C8G: variants seen among roughly 807,000 people sequenced by gnomAD.
C8G encodes the protein complement component C8 gamma chain.
C8G carries 38 observed loss-of-function variants against 29.1 expected under a neutral mutation model. That is an observed-to-expected ratio of 1.31 (90% CI 1.01 to 1.71). The LOEUF (loss-of-function observed/expected upper bound fraction) is 1.71. Ranked by LOEUF, C8G falls within the 40% of genes most tolerant of loss-of-function variation. The pLI, the probability that C8G is intolerant of heterozygous loss-of-function variation, is 0.00. For missense variants in C8G, 300 were observed against 267.4 expected (o/e 1.12, Z -0.85); for synonymous variants, 158 against 113.2 (o/e 1.40, Z -2.51).
chr9:136,946,071 T>C lies in C8G; in HGVS notation c.347-14T>C. The C allele has an allele frequency of 6.2e-7, 1 of 1,606,784 alleles. No homozygotes were observed. Among genetic ancestry groups the C allele is most frequent in the Non-Finnish European group, 8.5e-7 (1 of 1,176,426 alleles). On this transcript the variant is annotated splice_polypyrimidine_tract_variant and intron_variant, in intron 3 of 6. Transcript: ENST00000371634. ...CTGTGGCTCTCTGACATGGCTACTG[T>C]GGCTCTGCCCCAGCCCGAGACGCCC... is the stretch of plus-strand genomic sequence containing the variant.
rs1851013845 is a variant in C8G at position 136,945,731 on chromosome 9, C to T, written c.236C>T (p.Pro79Leu). Residue 79 changes from proline (P) to leucine (L), a missense_variant, in exon 2 of 7, where the codon CCC (proline) becomes CTC (leucine). By Grantham distance (98) the Pro-to-Leu change is moderately conservative (BLOSUM62 -3). Coordinates refer to ENST00000371634, the MANE Select transcript of C8G (RefSeq NM_000606.3). Reference sequence around the variant, plus strand: ...GAGGCCACCACACTGCATGTGGCTCCCCAGGGCACAGCCATGGCTGTCAGT... The same window carrying T: ...GAGGCCACCACACTGCATGTGGCTCTCCAGGGCACAGCCATGGCTGTCAGT... ...RAEATTLHVA[P>L]QGTAMAVSTF... 4.4e-6 allele frequency: 7 copies of T among 1,575,266 alleles called. No homozygotes were observed. Among genetic ancestry groups the T allele is most frequent in the Non-Finnish European group, 6.0e-6 (7 of 1,162,674 alleles).
chr9:136,945,760 T>A lies in C8G; in HGVS notation c.265T>A (p.Phe89Ile). 1 of 1,555,534 alleles carries A rather than the reference T, an allele frequency of 6.4e-7. No homozygotes were observed. The highest frequency in any genetic ancestry group is 8.7e-7 in the Non-Finnish European group (1 of 1,151,784). The change falls in exon 2 of 7, where the codon TTC (phenylalanine) becomes ATC (isoleucine). Residue 89 changes from phenylalanine to isoleucine, a missense_variant. By Grantham distance (21) the Phe-to-Ile change is conservative. Coordinates refer to ENST00000371634, the MANE Select transcript of C8G (RefSeq NM_000606.3). Reference protein sequence around the residue: ...PQGTAMAVSTFRKLDGICWQV... With the variant: ...PQGTAMAVSTIRKLDGICWQV... The stretch of plus-strand genomic sequence containing the variant: ...GGGCACAGCCATGGCTGTCAGTACC[T>A]TCCGAAAGCTGTGAGTCCCAGAGCA...
At chr9:136,946,224 G>T (rs1851034342) in intron 4 of C8G, 32 bp downstream of exon 4, 1 of 1,524,926 alleles carries the variant, frequency 6.6e-7, no homozygotes, top group Non-Finnish European at 8.9e-7. Context: ...TGACCAGGCA[G>T]GCGCTCAAGC....
Position 136,945,367 on chromosome 9 carries a change from C to T in C8G, c.47C>T (p.Ala16Val). 6.2e-7 allele frequency: 1 copy of T among 1,612,854 alleles called. No individual in the cohort carries two copies. The highest frequency in any genetic ancestry group is 1.1e-5 in the South Asian group (1 of 91,028). Residue 16 changes from alanine to valine, a missense_variant, in exon 1 of 7, where the codon GCT becomes GTT. Transcript: ENST00000371634. Reference sequence around the variant, plus strand: ...ACCCTCTTGACTCTGCTCCTGGCAGCTGGCTCGCTGGGCCAGAAGCCTCAG... The same window carrying T: ...ACCCTCTTGACTCTGCTCCTGGCAGTTGGCTCGCTGGGCCAGAAGCCTCAG... ...TATLLTLLLA[A>V]GSLGQKPQRP...
intron 4 of C8G, 34 bp downstream of exon 4, chr9:136,946,226 C>T (rs746306750): frequency 6.5e-5 from 98 of 1,511,812 alleles, no homozygotes; most frequent in Middle Eastern, 1.8e-4. Flanking sequence ...ACCAGGCAGG[C>T]GCTCAAGCTC....
chr9:136,945,489 G>T, intron 1 of C8G, 31 bp downstream of exon 1: 1 of 1,555,166 alleles, frequency 6.4e-7, no homozygotes, highest in Non-Finnish European at 8.7e-7. Flanking sequence ...AGGGAGGCAG[G>T]TAGAAGTTGT....
chr9:136,946,840 G>A lies in C8G; in HGVS notation c.*59G>A. 6.5e-7 allele frequency: 1 copy of A among 1,535,406 alleles called. No individual in the cohort carries two copies. The highest frequency in any genetic ancestry group is 8.7e-7 in the Non-Finnish European group (1 of 1,144,990). On this transcript the variant is annotated 3_prime_UTR_variant, in exon 7 of 7. Transcript: ENST00000371634. ...TGCCCCGAGAGACGACCCCACCAGT[G>A]GGGTGCCCGCTGCCTGTCCTCCGTG...
At position 136,946,890 on chromosome 9, in the gene C8G, G is replaced by A; in HGVS notation, c.*109G>A. The A allele has an allele frequency of 2.2e-6, 3 of 1,371,366 alleles. No homozygotes were observed. Among genetic ancestry groups the A allele is most frequent in the Non-Finnish European group, 1.0e-6 (1 of 997,974 alleles). The allele number at this position is 1,371,366 out of a possible 1,614,324, so 84.9% of individuals were successfully genotyped here. A position where few individuals can be genotyped will look rare whatever the true frequency, so the allele number is the denominator to read the frequency against. On this transcript the variant is annotated 3_prime_UTR_variant, in exon 7 of 7. Coordinates refer to ENST00000371634, the MANE Select transcript of C8G (RefSeq NM_000606.3). Reference sequence around the variant, plus strand: ...GAAACCAGCCTCAGATCAGGGCCCTGCCACCCAGGGCAGGGGATCTTCTGC... The same window carrying A: ...GAAACCAGCCTCAGATCAGGGCCCTACCACCCAGGGCAGGGGATCTTCTGC...
rs986990165 is a variant in C8G at position 136,946,213 on chromosome 9, G to C, written c.454+21G>C. On this transcript the variant is annotated intron_variant, in intron 4 of 6. Transcript: ENST00000371634. ...CTACGGTATGTGGGGGCCAGCCTCT[G>C]TGACCAGGCAGGCGCTCAAGCTCTG... 2.6e-6 allele frequency: 4 copies of C among 1,535,684 alleles called. No individual in the cohort carries two copies. In the African/African-American group the frequency reaches 5.5e-5, roughly 21 times the overall value.
intron 1 of C8G, 45 bp downstream of exon 1, chr9:136,945,503 A>G (rs1282171618): frequency 2.0e-6 from 3 of 1,527,392 alleles, no homozygotes; most frequent in Non-Finnish European, 2.7e-6. Flanking sequence ...AAGTTGTGGG[A>G]GGGGTAGAGG....
intron 4 of C8G, 86 bp downstream of exon 4, chr9:136,946,278 TG>T: frequency 7.3e-7 from 1 of 1,375,270 alleles, no homozygotes; most frequent in Non-Finnish European, 1.0e-6. Flanking sequence ...GGTGAGCCCA[TG>T]GGGACACACT....
chr9:136,946,263 G>T, intron 4 of C8G, 71 bp downstream of exon 4: 1 of 1,422,620 alleles, frequency 7.0e-7, no homozygotes, highest in Non-Finnish European at 9.6e-7. Context: ...CACCCCGAGG[G>T]GCTGGGTGAG....
Position 136,945,729 on chromosome 9 carries a change from T to C in C8G, c.234T>C (p.Ala78=). The C allele has an allele frequency of 6.3e-7, 1 of 1,576,236 alleles. No homozygotes were observed. ...CCGAGGCCACCACACTGCATGTGGC[T>C]CCCCAGGGCACAGCCATGGCTGTCA... ...HRAEATTLHV[A]PQGTAMAVST... is the part of the protein sequence containing the mutation. The change falls in exon 2 of 7, where the codon GCT becomes GCC. Residue 78 remains alanine (A), a synonymous_variant. Transcript: ENST00000371634.
Position 136,946,497 on chromosome 9 carries a change from AGTGG to A in C8G, c.490_493del (p.Gly164LeufsTer10), listed in dbSNP as rs1405030939. 1.7e-5 allele frequency: 27 copies of A among 1,612,298 alleles called. No homozygotes were observed. The highest frequency in any genetic ancestry group is 4.0e-5 in the African/African-American group (3 of 74,872). On this transcript the variant is annotated frameshift_variant, in exon 5 of 7. Transcript: ENST00000371634. LOFTEE classifies it high-confidence loss of function. ...GCTCCCTGTGAGCGACTCGGTCCTG[AGTGG>A]GTTTGAGCAGCGGGTCCAGGAGGCC...
rs1239199271 is a variant in C8G, at chr9:136,945,415, C to G, written c.95C>G (p.Pro32Arg). 7 of 1,594,506 alleles carry G rather than the reference C, an allele frequency of 4.4e-6. No homozygotes were observed. In the East Asian group the frequency reaches 1.6e-4, roughly 36 times the overall value. The change falls in exon 1 of 7, where the codon CCC becomes CGC. Residue 32 changes from proline (P) to arginine (R), a missense_variant. Physicochemically the swap from Pro to Arg is moderately radical, Grantham distance 103. Coordinates refer to ENST00000371634, the MANE Select transcript of C8G (RefSeq NM_000606.3). ...CAGAGGCCACGCCGGCCCGCATCCC[C>G]CATCAGCACCATCCAGCCCAAGGCC... ...KPQRPRRPASPISTIQPKANF... is the reference protein window; with the variant it reads ...KPQRPRRPASRISTIQPKANF...
intron 3 of C8G, 41 bp from the exon 4 acceptor site, chr9:136,946,044 C>A: frequency 6.2e-7 from 1 of 1,602,010 alleles, no homozygotes; most frequent in South Asian, 1.1e-5. Flanking sequence ...ATGACGCAGC[C>A]ACTGTGGCTC....
chr9:136,945,779 C>T lies in C8G; in HGVS notation c.275+9C>T, dbSNP rs754022390. 27 of 1,548,168 alleles carry T rather than the reference C, an allele frequency of 1.7e-5. No individual in the cohort carries two copies. The highest frequency in any genetic ancestry group is 9.7e-5 in the East Asian group (4 of 41,196). Reference sequence around the variant, plus strand: ...AGTACCTTCCGAAAGCTGTGAGTCCCAGAGCAGCCCTGCACCCTAACCCCA... The same window carrying T: ...AGTACCTTCCGAAAGCTGTGAGTCCTAGAGCAGCCCTGCACCCTAACCCCA... On this transcript the variant is annotated intron_variant, in intron 2 of 6. Transcript: ENST00000371634.
At position 136,945,740 on chromosome 9, in the gene C8G, C is replaced by T. The variant is rs775581305; in HGVS notation, c.245C>T (p.Thr82Ile). ...ATTLHVAPQGTAMAVSTFRKL... is the reference protein window; with the variant it reads ...ATTLHVAPQGIAMAVSTFRKL... The stretch of plus-strand genomic sequence containing the variant: ...ACACTGCATGTGGCTCCCCAGGGCA[C>T]AGCCATGGCTGTCAGTACCTTCCGA... Residue 82 changes from threonine (T) to isoleucine (I), a missense_variant, in exon 2 of 7, where the codon ACA becomes ATA. Physicochemically the swap from Thr to Ile is moderately conservative, Grantham distance 89. Coordinates refer to ENST00000371634, the MANE Select transcript of C8G (RefSeq NM_000606.3). The T allele has an allele frequency of 1.5e-5, 24 of 1,568,462 alleles. No homozygotes were observed. Among genetic ancestry groups the T allele is most frequent in the Middle Eastern group, 1.7e-4 (1 of 5,980 alleles).
chr9:136,946,036 G>A, intron 3 of C8G, 37 bp downstream of exon 3: 2 of 1,597,792 alleles, frequency 1.3e-6, no homozygotes, highest in Non-Finnish European at 1.7e-6. Flanking sequence ...GGTGGGGGAT[G>A]ACGCAGCCAC....
Sources: gnomAD v4.1 joint callset for allele counts on GRCh38, gnomAD v4.1.1 for gene constraint, MANE v1.5 for transcripts, NCBI Gene and HGNC (gene_info 2026-07-23, HGNC 2026-07-21) for gene names.